Variants in MKRN2 observed in about 807,000 individuals in gnomAD.
MKRN2 encodes the protein makorin ring finger protein 2, also known as E3 ubiquitin-protein ligase makorin-2.
Under a neutral mutation model 45.4 loss-of-function variants are expected in MKRN2, and 32 were observed. The observed-to-expected ratio is 0.70, with a 90% confidence interval of 0.53 to 0.95. MKRN2 has a LOEUF of 0.95. Ranked by LOEUF, MKRN2 falls within the 40% of genes least tolerant of loss-of-function variation. MKRN2 has a pLI of 0.00. For synonymous variants in MKRN2, 206 were observed against 192.4 expected (o/e 1.07, Z -0.59); for missense variants, 526 against 536.7 (o/e 0.98, Z 0.20).
At position 12,557,119 on chromosome 3, in the gene MKRN2, C is replaced by T. The variant is rs149385056; in HGVS notation, c.-32C>T. On this transcript the variant is annotated 5_prime_UTR_variant, in exon 1 of 8. Transcript: ENST00000170447. ...AGGCGGCAGCGGCTGCGAGAGGCGG[C>T]GGCACGACGACGGTCCCTCAGCCCA... 6.0e-3 allele frequency: 8,983 copies of T among 1,491,738 alleles called. 449 individuals are homozygous for T. The African/African-American group carries it at 0.11, about 18-fold the overall frequency. The allele number at this position is 1,491,738 out of a possible 1,614,324, so 92.4% of individuals were successfully genotyped here.
intron 1 of MKRN2, among the ~76,000 whole-genome samples, chr3:12,558,417 G>C (rs985478934): frequency 6.6e-6 from 1 of 152,156 alleles, no homozygotes; most frequent in African/African-American, 2.4e-5. Context: ...AGGTCATTGT[G>C]CACTGTAAAG....
At chr3:12,560,131 C>T (rs530277920) in intron 1 of MKRN2, among the ~76,000 whole-genome samples, 107 of 152,242 alleles carry the variant, frequency 7.0e-4, no homozygotes, top group South Asian at 1.5e-3. Context: ...TAGCAACAAA[C>T]CATTTATTTT....
At chr3:12,577,408 C>T (rs1277211954) in intron 6 of MKRN2, among the ~76,000 whole-genome samples, 2 of 151,984 alleles carry the variant, frequency 1.3e-5, no homozygotes, top group African/African-American at 4.8e-5. Context: ...ACTCTACTTC[C>T]GTTTATGATA....
rs2058184012 is a variant in MKRN2 at position 12,582,034 on chromosome 3, G to A, written c.1113+82G>A. On this transcript the variant is annotated intron_variant, in intron 7 of 7. Coordinates refer to ENST00000170447, the MANE Select transcript of MKRN2 (RefSeq NM_014160.5). ...GTACCGTTCCTGGCAGAGAAATGGG[G>A]TAGGCAAAAGAACGATCAAGGAACG... 4.3e-6 allele frequency: 7 copies of A among 1,609,320 alleles called. No homozygotes were observed. The Middle Eastern group carries it at 6.6e-4, about 152-fold the overall frequency.
At chr3:12,565,490 A>G (rs181674385) in intron 1 of MKRN2, among the ~76,000 whole-genome samples, 1 of 143,700 alleles carries the variant, frequency 7.0e-6, no homozygotes, top group Non-Finnish European at 1.5e-5. Context: ...TGGGTCCAGC[A>G]TCATTTGTTG....
chr3:12,571,630 G>T (rs17036929), intron 3 of MKRN2, among the ~76,000 whole-genome samples: 1 of 152,264 alleles, frequency 6.6e-6, no homozygotes, highest in Non-Finnish European at 1.5e-5. Context: ...AGGACCCACA[G>T]ATTTGCTCTA....
Position 12,576,678 on chromosome 3 carries a change from TG to T in MKRN2, c.906del (p.Tyr303IlefsTer12), listed in dbSNP as rs779408115. 26 of 1,610,040 alleles carry T rather than the reference TG, an allele frequency of 1.6e-5. No homozygotes were observed. The highest frequency in any genetic ancestry group is 2.2e-5 in the Non-Finnish European group (26 of 1,176,716). ...RVISEFVIPS[V>X]YWVEDQNKKN... ...ATATCAGAGTTTGTAATTCCAAGTG[TG>T]TATTGGGTGGAAGATCAGAATAAAA... On this transcript the variant is annotated frameshift_variant, in exon 6 of 8. Transcript: ENST00000170447. LOFTEE classifies it high-confidence loss of function.
chr3:12,570,356 T>C (rs914461395), intron 3 of MKRN2, 104 bp downstream of exon 3: 1 of 1,151,052 alleles, frequency 8.7e-7, no homozygotes, highest in Non-Finnish European at 1.2e-6. Context: ...CCTAACCTAA[T>C]ACACCTCCAG....
intron 6 of MKRN2, among the ~76,000 whole-genome samples, chr3:12,579,275 C>T (rs2058162802): frequency 6.6e-6 from 1 of 152,174 alleles, no homozygotes; most frequent in Non-Finnish European, 1.5e-5. Context: ...AGTGATTCTT[C>T]TGCCTCAGCC....
At chr3:12,575,121 C>A in intron 5 of MKRN2, 115 bp downstream of exon 5, 4 of 936,640 alleles carry the variant, frequency 4.3e-6, no homozygotes, top group Non-Finnish European at 6.4e-6. Flanking sequence ...TGAGTTCTGG[C>A]CCCTGGCTGC....
chr3:12,577,287 A>AG (rs1479527183), intron 6 of MKRN2: 1 of 152,082 alleles, frequency 6.6e-6, no homozygotes, highest in Admixed American at 6.6e-5. Context: ...TATTTTGCCT[A>AG]GGAGTGGAGT....
At chr3:12,557,216 A>G in intron 1 of MKRN2, 40 bp downstream of exon 1, 1 of 1,529,204 alleles carries the variant, frequency 6.5e-7, no homozygotes, top group Non-Finnish European at 8.8e-7. Context: ...CCGCTCCCCC[A>G]GGCCGCAGGG....
chr3:12,571,942 T>G (rs1048308435), intron 3 of MKRN2, 127 bp from the exon 4 acceptor site: 16 of 882,654 alleles, frequency 1.8e-5, no homozygotes, highest in Non-Finnish European at 2.1e-5. Flanking sequence ...GGTGTGTTTT[T>G]TTTGCCATAT....
rs201917995 is a variant in MKRN2, at chr3:12,576,184, C to CAT, written c.858-442_858-441dup. Among the ~76,000 whole-genome samples the CAT allele has an allele frequency of 8.9e-3, 1,199 of 134,474 alleles. 8 individuals are homozygous for CAT. Among genetic ancestry groups the CAT allele is most frequent in the Middle Eastern group, 0.011 (3 of 262 alleles). 88.2% of individuals were successfully genotyped at this position (134,474 alleles called of 152,430 possible). ...CATCTGTCTTTTTTGTTGAGGAAAC[C>CAT]ATATATGTGTGTGTGTGTGTGTGTG... On this transcript the variant is annotated intron_variant, in intron 5 of 7. Transcript: ENST00000170447.
At chr3:12,571,127 G>GTTTTT (rs1171427796) in intron 3 of MKRN2, among the ~76,000 whole-genome samples, 6 of 100,122 alleles carry the variant, frequency 6.0e-5, no homozygotes, top group Non-Finnish European at 1.2e-4. Flanking sequence ...TGTTTGTTTT[G>GTTTTT]TTTTTGTTTT....
At chr3:12,582,084 T>TAACC in intron 7 of MKRN2, 32 bp from the exon 8 acceptor site, 1 of 1,613,984 alleles carries the variant, frequency 6.2e-7, no homozygotes, top group Non-Finnish European at 8.5e-7. Flanking sequence ...CTCTTAGCAG[T>TAACC]AACCAGGCAT....
rs772958057 is a variant in MKRN2, at chr3:12,574,805, C to T, written c.656C>T (p.Thr219Met). 22 of 1,613,154 alleles carry T rather than the reference C, an allele frequency of 1.4e-5. No homozygotes were observed. Among genetic ancestry groups the T allele is most frequent in the Middle Eastern group, 1.8e-4 (1 of 5,522 alleles). ...RKAHEKICML[T>M]FEHEMEKAFA... ...TCTGTGCTTCAGATCTGCATGTTGA[C>T]GTTCGAACACGAGATGGAAAAGGCC... The change falls in exon 5 of 8, where the codon ACG becomes ATG. Residue 219 changes from threonine (T) to methionine (M), a missense_variant. By Grantham distance (81) the Thr-to-Met change is moderately conservative (BLOSUM62 -1). Transcript: ENST00000170447.
intron 4 of MKRN2, among the ~76,000 whole-genome samples, chr3:12,573,547 A>G (rs2058112754): frequency 6.6e-6 from 1 of 152,016 alleles, no homozygotes; most frequent in Non-Finnish European, 1.5e-5. Context: ...GAAAAATAAT[A>G]ATAAAAAAAT....
intron 6 of MKRN2, among the ~76,000 whole-genome samples, chr3:12,580,257 T>C: frequency 6.6e-6 from 1 of 152,198 alleles, no homozygotes; most frequent in Non-Finnish European, 1.5e-5. Context: ...TCATAGCCAG[T>C]GTGCTAGGAT....
Sources: allele counts gnomAD v4.1 joint callset (sites outside exome capture counted in the v4.1 genomes callset), GRCh38; gene constraint gnomAD v4.1.1; transcripts MANE v1.5; gene names NCBI Gene and HGNC (gene_info 2026-07-23, HGNC 2026-07-21).